The following PLPPR1 variants were observed in gnomAD, a reference collection of about 807,000 sequenced individuals.
PLPPR1 encodes phospholipid phosphatase-related protein type 1.
In PLPPR1, 10 loss-of-function variants were observed where a neutral mutation model predicts 33.1. That is an observed-to-expected ratio of 0.30 (90% CI 0.19 to 0.51). PLPPR1 has a LOEUF of 0.51. PLPPR1 is among the 20% of genes least tolerant of loss of function. The pLI is 0.97. For synonymous variants in PLPPR1, 151 were observed against 151.0 expected (o/e 1.00, Z 0.00); for missense variants, 304 against 408.1 (o/e 0.74, Z 2.20).
intron 1 of PLPPR1, among the ~76,000 whole-genome samples, chr9:101,096,694 C>T (rs546715418): frequency 6.6e-6 from 1 of 152,294 alleles, no homozygotes; most frequent in Non-Finnish European, 1.5e-5. Context: ...TCAGGAATAA[C>T]ATCTGAATAA....
At chr9:101,297,320 CT>C (rs771239393) in intron 4 of PLPPR1, among the ~76,000 whole-genome samples, 31 of 152,164 alleles carry the variant, frequency 2.0e-4, no homozygotes, top group Admixed American at 3.9e-4. Context: ...CTTCAACTTG[CT>C]TCTCTAATTC....
At chr9:101,310,757 G>A (rs1828939722) in intron 5 of PLPPR1, among the ~76,000 whole-genome samples, 1 of 152,152 alleles carries the variant, frequency 6.6e-6, no homozygotes, top group African/African-American at 2.4e-5. Flanking sequence ...AGCAGATAGT[G>A]CCTTTGTGTC....
intron 1 of PLPPR1, among the ~76,000 whole-genome samples, chr9:101,116,251 G>A (rs867099671): frequency 1.3e-5 from 2 of 152,152 alleles, no homozygotes; most frequent in Non-Finnish European, 1.5e-5. Context: ...TGTTTTTTAA[G>A]TTTTTTTCTG....
At chr9:101,064,864 C>G (rs564564572) in intron 1 of PLPPR1, among the ~76,000 whole-genome samples, 1 of 151,976 alleles carries the variant, frequency 6.6e-6, no homozygotes, top group Non-Finnish European at 1.5e-5. Flanking sequence ...GAGGGCAAAA[C>G]TGGGTTTTAT....
rs143114919 is a variant in PLPPR1 at position 101,172,950 on chromosome 9, C to T, written c.-45-12500C>T. Among the ~76,000 whole-genome samples the T allele has an allele frequency of 6.0e-4, 92 of 152,082 alleles. 1 individual carries two copies. The highest frequency in any genetic ancestry group is 2.0e-3 in the African/African-American group (84 of 41,504). On this transcript the variant is annotated intron_variant, in intron 1 of 7. Transcript: ENST00000374874. ...GTCTCATTTATTTTTGTCTGTATTT[C>T]TCAGTTGTTTCAGGCATGAAATCCT...
intron 3 of PLPPR1, among the ~76,000 whole-genome samples, chr9:101,283,193 A>G (rs979490871): frequency 2.6e-5 from 4 of 152,340 alleles, no homozygotes; most frequent in East Asian, 1.9e-4. Context: ...TCAATCAAAA[A>G]AGACCTAGAA....
At chr9:101,272,446 A>G (rs1468086528) in intron 3 of PLPPR1, among the ~76,000 whole-genome samples, 3 of 152,226 alleles carry the variant, frequency 2.0e-5, no homozygotes, top group Non-Finnish European at 2.9e-5. Flanking sequence ...AGCACTCTGA[A>G]TAGTAACAAT....
intron 1 of PLPPR1, among the ~76,000 whole-genome samples, chr9:101,083,268 C>T (rs1183154906): frequency 6.6e-6 from 1 of 151,810 alleles, no homozygotes; most frequent in East Asian, 2.0e-4. Flanking sequence ...GAACGATTCT[C>T]CTGCCTCAGC....
intron 1 of PLPPR1, among the ~76,000 whole-genome samples, chr9:101,146,145 G>A (rs992117459): frequency 1.3e-5 from 2 of 152,132 alleles, no homozygotes; most frequent in Non-Finnish European, 2.9e-5. Flanking sequence ...TTCTCATAGT[G>A]TAGCATAATT....
chr9:101,291,947 CTT>C (rs1480917664), intron 4 of PLPPR1, among the ~76,000 whole-genome samples: 4 of 152,196 alleles, frequency 2.6e-5, no homozygotes, highest in Admixed American at 6.5e-5. Context: ...TGGAGAATGA[CTT>C]TGACGAGTTG....
In PLPPR1 at chr9:101,249,564, A is replaced by T. The variant is rs1827678751; in HGVS notation, c.64-20316A>T. Among the ~76,000 whole-genome samples the T allele has an allele frequency of 3.3e-5, 5 of 151,982 alleles. No homozygotes were observed. The South Asian group carries it at 1.0e-3, about 31-fold the overall frequency. On this transcript the variant is annotated intron_variant, in intron 2 of 7. Transcript: ENST00000374874. ...TGTCATTTCTAATTCTGTTGACTCT[A>T]TACTATTTTTTTTCCTCACATTTTC...
At chr9:101,029,305 A>C (rs1179038585) in intron 1 of PLPPR1, among the ~76,000 whole-genome samples, 1 of 152,190 alleles carries the variant, frequency 6.6e-6, no homozygotes, top group East Asian at 1.9e-4. Context: ...GCGAGGTGTC[A>C]GATTGACCCA....
intron 1 of PLPPR1, 36 bp from the exon 2 acceptor site, chr9:101,185,414 A>G (rs41305455): frequency 0.012 from 9,431 of 773,638 alleles, 83 homozygotes; most frequent in Non-Finnish European, 0.015. Flanking sequence ...TTCTCAATAT[A>G]TGGTTCTTAT....
At chr9:101,238,044 TA>T in intron 2 of PLPPR1, among the ~76,000 whole-genome samples, 1 of 136,770 alleles carries the variant, frequency 7.3e-6, no homozygotes, top group Non-Finnish European at 1.6e-5. Context: ...GAAATGTGTA[TA>T]TATATATAGC....
intron 1 of PLPPR1, among the ~76,000 whole-genome samples, chr9:101,077,961 G>A (rs949018258): frequency 1.3e-5 from 2 of 151,052 alleles, no homozygotes; most frequent in Non-Finnish European, 2.9e-5. Flanking sequence ...ATTTGTAAAT[G>A]TTTATGATCA....
intron 1 of PLPPR1, among the ~76,000 whole-genome samples, chr9:101,114,991 T>G (rs1452670797): frequency 1.3e-5 from 2 of 152,186 alleles, no homozygotes; most frequent in Admixed American, 6.5e-5. Context: ...TGTAGCTAAT[T>G]ATGTTTCTCA....
intron 3 of PLPPR1, among the ~76,000 whole-genome samples, chr9:101,284,699 T>G (rs1182158145): frequency 1.3e-5 from 2 of 152,296 alleles, no homozygotes; most frequent in Non-Finnish European, 2.9e-5. Flanking sequence ...GTTTTGAAAT[T>G]TTATACTTTT....
chr9:101,313,378 G>A (rs1209604424), intron 6 of PLPPR1, among the ~76,000 whole-genome samples: 2 of 152,114 alleles, frequency 1.3e-5, no homozygotes, highest in African/African-American at 4.8e-5. Flanking sequence ...GAAGAGCACT[G>A]GTAGAAGCAA....
chr9:101,231,024 G>C (rs931016657), intron 2 of PLPPR1, among the ~76,000 whole-genome samples: 1 of 151,892 alleles, frequency 6.6e-6, no homozygotes, highest in Non-Finnish European at 1.5e-5. Context: ...CTCATGCATT[G>C]ATATTTGTCC....
Sources: gnomAD v4.1 joint callset for allele counts (sites outside exome capture counted in the v4.1 genomes callset) on GRCh38, gnomAD v4.1.1 for gene constraint, MANE v1.5 for transcripts, NCBI Gene and HGNC (gene_info 2026-07-23, HGNC 2026-07-21) for gene names.